Variants in CSMD1 observed in about 807,000 individuals in gnomAD.
CSMD1 encodes CUB and sushi domain-containing protein 1.
Under a neutral mutation model 417.5 loss-of-function variants are expected in CSMD1, and 213 were observed. The ratio of observed to expected loss-of-function variants is 0.51; its 90% CI spans 0.46 to 0.57. The LOEUF is 0.57. CSMD1 is among the 20% of genes least tolerant of loss of function. CSMD1 has a pLI of 0.00. For synonymous variants in CSMD1, 2,862 were observed against 1,736.8 expected (o/e 1.65, Z -16.11); for missense variants, 6,923 against 4,529.7 (o/e 1.53, Z -15.17).
intron 11 of CSMD1, among the ~76,000 whole-genome samples, chr8:3,473,138 A>G (rs1027816938): frequency 1.3e-5 from 2 of 152,220 alleles, no homozygotes; most frequent in African/African-American, 4.8e-5. Flanking sequence ...CAACTACTTT[A>G]GACATACCTC....
chr8:3,549,108 A>G (rs1218108017), intron 10 of CSMD1, among the ~76,000 whole-genome samples: 1 of 152,126 alleles, frequency 6.6e-6, no homozygotes, highest in Non-Finnish European at 1.5e-5. Context: ...ACACATTGCC[A>G]TGCAGATGCC....
At chr8:4,174,261 T>C (rs987864833) in intron 3 of CSMD1, among the ~76,000 whole-genome samples, 5 of 152,114 alleles carry the variant, frequency 3.3e-5, no homozygotes, top group Non-Finnish European at 5.9e-5. Flanking sequence ...AAATGAATCT[T>C]CAGCAAGAAT....
At position 4,891,916 on chromosome 8, in the gene CSMD1, G is replaced by T. The variant is rs185113712; in HGVS notation, c.85+102416C>A. 4.6e-5 allele frequency among the ~76,000 whole-genome samples: 7 copies of T among 152,074 alleles called. No homozygotes were observed. In the East Asian group the frequency reaches 5.8e-4, roughly 13 times the overall value. ...ATTCTATTTTAGCAAACAAACAGATGGTAGGTTATCAACAATAAAAGAAAA... is the reference window on the plus strand; with the variant it reads ...ATTCTATTTTAGCAAACAAACAGATTGTAGGTTATCAACAATAAAAGAAAA... On this transcript the variant is annotated intron_variant, in intron 1 of 69. Coordinates refer to ENST00000635120, the MANE Select transcript of CSMD1 (RefSeq NM_033225.6).
At chr8:4,209,542 C>T (rs896344096) in intron 3 of CSMD1, among the ~76,000 whole-genome samples, 20 of 152,194 alleles carry the variant, frequency 1.3e-4, no homozygotes, top group Admixed American at 5.9e-4. Flanking sequence ...CGTGAGATTC[C>T]TTGCTGCCAT....
intron 5 of CSMD1, among the ~76,000 whole-genome samples, chr8:3,975,457 C>T (rs181883249): frequency 2.5e-3 from 383 of 152,088 alleles, no homozygotes; most frequent in African/African-American, 7.0e-3. Context: ...TTAGAAAATG[C>T]ACTAATACAT....
At chr8:3,794,348 T>C (rs936354286) in intron 5 of CSMD1, among the ~76,000 whole-genome samples, 1 of 152,168 alleles carries the variant, frequency 6.6e-6, no homozygotes, top group East Asian at 1.9e-4. Context: ...TAAACATATG[T>C]TTGCTAAATA....
intron 17 of CSMD1, 41 bp from the exon 18 acceptor site, chr8:3,387,723 G>A (rs1412294906): frequency 6.6e-7 from 1 of 1,514,258 alleles, no homozygotes; most frequent in Non-Finnish European, 8.9e-7. Flanking sequence ...GGATCTTTCT[G>A]GTTGATTGAA....
chr8:4,281,272 T>C (rs570052955), intron 3 of CSMD1, among the ~76,000 whole-genome samples: 5 of 152,134 alleles, frequency 3.3e-5, no homozygotes, highest in African/African-American at 1.2e-4. Flanking sequence ...TCGACAGCAT[T>C]ATGGGAAAAT....
At chr8:4,620,962 A>T (rs886126274) in intron 2 of CSMD1, among the ~76,000 whole-genome samples, 1 of 152,046 alleles carries the variant, frequency 6.6e-6, no homozygotes, top group Admixed American at 6.6e-5. Flanking sequence ...AAATCAAGAA[A>T]ATTGGCAAAC....
intron 5 of CSMD1, among the ~76,000 whole-genome samples, chr8:3,983,078 C>T (rs949077889): frequency 6.6e-6 from 1 of 151,786 alleles, no homozygotes; most frequent in Non-Finnish European, 1.5e-5. Context: ...TCCCCAGGAG[C>T]CTCTAATGAT....
intron 6 of CSMD1, among the ~76,000 whole-genome samples, chr8:3,731,321 C>G (rs981459168): frequency 2.0e-5 from 3 of 152,170 alleles, no homozygotes; most frequent in Admixed American, 6.5e-5. Flanking sequence ...CTGAATGCCT[C>G]TCTTGAAAGA....
At chr8:3,790,209 G>A (rs1799659176) in intron 5 of CSMD1, among the ~76,000 whole-genome samples, 2 of 152,146 alleles carry the variant, frequency 1.3e-5, no homozygotes, top group African/African-American at 2.4e-5. Context: ...GTGAATCAGT[G>A]CTGCCTACAC....
chr8:3,880,346 T>C (rs1271343905), intron 5 of CSMD1, among the ~76,000 whole-genome samples: 1 of 152,208 alleles, frequency 6.6e-6, no homozygotes, highest in East Asian at 1.9e-4. Flanking sequence ...TTGTTCTTTA[T>C]TGTTAATTGA....
chr8:4,805,974 C>G (rs1798563186), intron 1 of CSMD1, among the ~76,000 whole-genome samples: 1 of 152,186 alleles, frequency 6.6e-6, no homozygotes, highest in African/African-American at 2.4e-5. Flanking sequence ...TTACCAAGGG[C>G]TTTTCTTTCT....
chr8:4,342,349 A>G (rs554632275), intron 3 of CSMD1, among the ~76,000 whole-genome samples: 22 of 152,232 alleles, frequency 1.4e-4, no homozygotes, highest in Admixed American at 9.8e-4. Flanking sequence ...ACAGAAAAAT[A>G]TGTGTATACA....
At chr8:3,855,343 C>A (rs1308899182) in intron 5 of CSMD1, among the ~76,000 whole-genome samples, 1 of 152,128 alleles carries the variant, frequency 6.6e-6, no homozygotes. Context: ...GAAGGAAATA[C>A]ACTCACATCC....
rs762239738 is a variant in CSMD1 at position 3,138,896 on chromosome 8, C to T, written c.6241+3569G>A. On this transcript the variant is annotated intron_variant, in intron 41 of 69. Transcript: ENST00000635120. Reference sequence around the variant, plus strand: ...GCTTTCATCACAAAAGGAATAAGTCCGGTCTGCCTTTTGGAAAGAAGAGAG... The same window carrying T: ...GCTTTCATCACAAAAGGAATAAGTCTGGTCTGCCTTTTGGAAAGAAGAGAG... 7.9e-5 allele frequency among the ~76,000 whole-genome samples: 12 copies of T among 152,216 alleles called. 1 individual carries two copies. The South Asian group carries it at 1.0e-3, about 13-fold the overall frequency.
intron 2 of CSMD1, among the ~76,000 whole-genome samples, chr8:4,600,951 A>C (rs552147961): frequency 3.1e-5 from 4 of 130,102 alleles, no homozygotes; most frequent in Middle Eastern, 3.7e-3. Flanking sequence ...TTCCCTCTTA[A>C]TTAGATTTTT....
At chr8:4,261,301 C>G (rs1051627894) in intron 3 of CSMD1, among the ~76,000 whole-genome samples, 2 of 152,020 alleles carry the variant, frequency 1.3e-5, no homozygotes, top group Admixed American at 6.6e-5. Flanking sequence ...GTGAAATAAC[C>G]CAGGCATAGA....
Sources: allele counts gnomAD v4.1 joint callset (sites outside exome capture counted in the v4.1 genomes callset), GRCh38; gene constraint gnomAD v4.1.1; transcripts MANE v1.5; gene names NCBI Gene and HGNC (gene_info 2026-07-23, HGNC 2026-07-21).